RGS3: variants seen among roughly 807,000 people sequenced by gnomAD.
RGS3 encodes the protein regulator of G protein signaling 3, also known as regulator of G-protein signalling 3.
A neutral mutation model predicts 132.6 loss-of-function variants in RGS3; 80 were observed. That is an observed-to-expected ratio of 0.60 (90% CI 0.50 to 0.73). The LOEUF (loss-of-function observed/expected upper bound fraction) is 0.73, where lower values mean the gene tolerates loss of function less well. Ranked by LOEUF, RGS3 falls within the 30% of genes least tolerant of loss-of-function variation. The pLI, the probability that RGS3 is intolerant of heterozygous loss-of-function variation, is 0.00. For synonymous variants in RGS3, 598 were observed against 620.6 expected (o/e 0.96, Z 0.54); for missense variants, 1,382 against 1,530.8 (o/e 0.90, Z 1.62).
At chr9:113,460,144 C>T (rs956379475), upstream of RGS3, 72 of 1,029,338 alleles carry the variant, frequency 7.0e-5, no homozygotes, top group African/African-American at 1.3e-3. Flanking sequence ...TTTTACTGAA[C>T]TTTTCAGAGA....
At position 113,462,754 on chromosome 9, in the gene RGS3, T is replaced by C. The variant is rs557195757; in HGVS notation, c.415+553T>C. 4.6e-5 allele frequency among the ~76,000 whole-genome samples: 7 copies of C among 152,340 alleles called. No individual in the cohort carries two copies. In the East Asian group the frequency reaches 1.3e-3, roughly 29 times the overall value. On this transcript the variant is annotated intron_variant, in intron 3 of 24. Coordinates refer to ENST00000350696, the Ensembl canonical transcript of RGS3. ...CATCTGGTACTCAACACATAACTCT[T>C]CTCTCCACTTTCTGTCTTGCATCTC...
chr9:113,521,083 A>G (rs1831930954), intron 16 of RGS3, among the ~76,000 whole-genome samples: 1 of 152,186 alleles, frequency 6.6e-6, no homozygotes, highest in South Asian at 2.1e-4. Context: ...CACTGAGCAG[A>G]AAGGAAGCGT....
upstream of RGS3, among the ~76,000 whole-genome samples, chr9:113,459,619 G>A (rs148714210): frequency 4.5e-3 from 682 of 152,188 alleles, 2 homozygotes; most frequent in African/African-American, 0.016. Context: ...GTGTGGTGGC[G>A]CGTGCCTGTA....
chr9:113,568,211 A>T (rs1415374283), intron 19 of RGS3, among the ~76,000 whole-genome samples: 3 of 152,188 alleles, frequency 2.0e-5, no homozygotes, highest in Admixed American at 6.5e-5. Flanking sequence ...TACTGCACCA[A>T]CTGGATGTCT....
At chr9:113,586,702 G>A (rs1290145171) in intron 20 of RGS3, among the ~76,000 whole-genome samples, 4 of 152,166 alleles carry the variant, frequency 2.6e-5, no homozygotes, top group Non-Finnish European at 5.9e-5. Flanking sequence ...GCTTCAGTAG[G>A]AAACTTGTCA....
chr9:113,541,712 C>A, intron 19 of RGS3: 1 of 1,065,636 alleles, frequency 9.4e-7, no homozygotes. Context: ...GGACATTCCA[C>A]ATCTGGGCTT....
At chr9:113,586,655 C>T (rs1835130719) in intron 20 of RGS3, among the ~76,000 whole-genome samples, 1 of 152,224 alleles carries the variant, frequency 6.6e-6, no homozygotes, top group Non-Finnish European at 1.5e-5. Flanking sequence ...AGTTCCTGAG[C>T]CCTTTGCCAT....
intron 3 of RGS3, among the ~76,000 whole-genome samples, chr9:113,472,537 G>C (rs990077119): frequency 6.6e-6 from 1 of 152,194 alleles, no homozygotes; most frequent in African/African-American, 2.4e-5. Flanking sequence ...CATGCGTTGT[G>C]TGATTCTGTT....
intron 17 of RGS3, among the ~76,000 whole-genome samples, chr9:113,525,208 G>A (rs1237325613): frequency 6.6e-6 from 1 of 152,168 alleles, no homozygotes; most frequent in Non-Finnish European, 1.5e-5. Flanking sequence ...ACTCCAGGGA[G>A]CCTGAGAGCT....
At chr9:113,511,567 C>T (rs989391404) in intron 14 of RGS3, among the ~76,000 whole-genome samples, 6 of 152,160 alleles carry the variant, frequency 3.9e-5, no homozygotes, top group African/African-American at 9.7e-5. Flanking sequence ...TTCCAGACCT[C>T]AGTTTCCTTG....
intron 19 of RGS3, among the ~76,000 whole-genome samples, chr9:113,578,682 C>G (rs1337885587): frequency 6.6e-6 from 1 of 152,100 alleles, no homozygotes; most frequent in Non-Finnish European, 1.5e-5. Context: ...CATCAAGGTT[C>G]CTGGAAGCTA....
At chr9:113,469,333 T>C (rs1388117787) in intron 3 of RGS3, among the ~76,000 whole-genome samples, 1 of 152,082 alleles carries the variant, frequency 6.6e-6, no homozygotes, top group African/African-American at 2.4e-5. Context: ...CTGGCATGGT[T>C]GGGGAAACCT....
At position 113,549,283 on chromosome 9, in the gene RGS3, T is replaced by C. The variant is rs917762614; in HGVS notation, c.2037+12365T>C. On this transcript the variant is annotated intron_variant, in intron 19 of 24. Coordinates refer to ENST00000350696, the Ensembl canonical transcript of RGS3. ...GAACGCTGATTTCACTGGGGTCTTG[T>C]GAAGATCAAAGGGGATCTGTTGTAA... Among the ~76,000 whole-genome samples the C allele has an allele frequency of 7.2e-5, 11 of 152,328 alleles. 1 individual carries two copies. The South Asian group carries it at 1.4e-3, about 20-fold the overall frequency.
exon 25 of RGS3, chr9:113,597,238 G>A (rs1835833889): frequency 2.8e-6 from 1 of 353,122 alleles, no homozygotes; most frequent in Non-Finnish European, 5.1e-6. Flanking sequence ...GCTGCTCCCT[G>A]CTGCGGAGAC....
At chr9:113,594,090 C>T in intron 21 of RGS3, 2 of 1,613,086 alleles carry the variant, frequency 1.2e-6, no homozygotes, top group Non-Finnish European at 1.7e-6. Context: ...CCTGGCTCCT[C>T]CTGTCTGAGT....
At chr9:113,505,457 G>A in exon 11 of RGS3, 1 of 1,614,146 alleles carries the variant, frequency 6.2e-7, no homozygotes, top group Non-Finnish European at 8.5e-7. Flanking sequence ...CATCCCGAGG[G>A]GAAAGGACGG....
chr9:113,493,359 A>G (rs1363460044), intron 7 of RGS3, among the ~76,000 whole-genome samples: 1 of 152,212 alleles, frequency 6.6e-6, no homozygotes, highest in Non-Finnish European at 1.5e-5. Flanking sequence ...TGAGAGAGGC[A>G]AGGAAGAAGG....
At chr9:113,447,232 A>G (rs1482965044) in intron 1 of RGS3, among the ~76,000 whole-genome samples, 4 of 142,540 alleles carry the variant, frequency 2.8e-5, no homozygotes, top group African/African-American at 7.8e-5. Flanking sequence ...ACTGCACTCC[A>G]GCCTGGGCAA....
At chr9:113,503,274 T>A (rs186287085) in intron 10 of RGS3, 135 of 152,716 alleles carry the variant, frequency 8.8e-4, no homozygotes, top group Non-Finnish European at 1.4e-3. Context: ...CTTCGAGTCT[T>A]ATCTCCTTGT....
Sources: gnomAD v4.1 joint callset for allele counts (sites outside exome capture counted in the v4.1 genomes callset) on GRCh38, gnomAD v4.1.1 for gene constraint, MANE v1.5 for transcripts, NCBI Gene and HGNC (gene_info 2026-07-23, HGNC 2026-07-21) for gene names.